Variants in MYO16 observed in about 807,000 individuals in gnomAD.
The protein encoded by MYO16 is myosin XVI, also known as unconventional myosin-XVI.
MYO16 carries 94 observed loss-of-function variants against 205.3 expected under a neutral mutation model. The ratio of observed to expected loss-of-function variants is 0.46; its 90% CI spans 0.39 to 0.54. The LOEUF (loss-of-function observed/expected upper bound fraction) is 0.54. MYO16 is among the 20% of genes least tolerant of loss of function. The pLI is 0.00. For missense variants in MYO16, 2,315 were observed against 2,387.5 expected (o/e 0.97, Z 0.63); for synonymous variants, 988 against 954.0 (o/e 1.04, Z -0.66).
Position 109,127,198 on chromosome 13 carries a change from C to T in MYO16, c.3783-84C>T, listed in dbSNP as rs768321937. The T allele has an allele frequency of 2.1e-6, 3 of 1,457,640 alleles. No individual in the cohort carries two copies. Among genetic ancestry groups the T allele is most frequent in the Non-Finnish European group, 2.7e-6 (3 of 1,099,584 alleles). 90.3% of individuals were successfully genotyped at this position (1,457,640 alleles called of 1,614,324 possible). On this transcript the variant is annotated intron_variant, in intron 30 of 34. Coordinates refer to ENST00000457511, the MANE Select transcript of MYO16 (RefSeq NM_001198950.3). The surrounding 1 kb of genome is among the most constrained non-coding windows in gnomAD (Gnocchi z 4.2). ...GCTTGCCAAAAAGCCGTCATTATGT[C>T]TGCTTGAGCAGGTTCCTTGTTACCG...
chr13:109,088,848 G>T (rs1386649664), intron 27 of MYO16, among the ~76,000 whole-genome samples: 2 of 152,176 alleles, frequency 1.3e-5, no homozygotes, highest in Non-Finnish European at 2.9e-5. Flanking sequence ...CAGCCCCGCC[G>T]AGGGCCTCAG....
chr13:108,525,321 C>T, the MYO16 span, among the ~76,000 whole-genome samples: 1 of 152,172 alleles, frequency 6.6e-6, no homozygotes, highest in South Asian at 2.1e-4. Context: ...GTTTGAAGTG[C>T]ACGTCAGGTG....
chr13:108,571,225 T>A, the MYO16 span, among the ~76,000 whole-genome samples: 1 of 151,846 alleles, frequency 6.6e-6, no homozygotes, highest in South Asian at 2.1e-4. Flanking sequence ...GGTTCACTGG[T>A]TAAGGATAAG....
chr13:108,651,230 T>C (rs1880989209), intron 1 of MYO16, among the ~76,000 whole-genome samples: 1 of 152,134 alleles, frequency 6.6e-6, no homozygotes, highest in South Asian at 2.1e-4. Context: ...TGGATATGAC[T>C]TTGGAGCTGT....
At chr13:109,072,848 C>G (rs968287191) in intron 27 of MYO16, among the ~76,000 whole-genome samples, 1 of 152,114 alleles carries the variant, frequency 6.6e-6, no homozygotes, top group Non-Finnish European at 1.5e-5. Context: ...GAATTTGAAG[C>G]ATTCCTCACT....
At chr13:108,627,287 T>C (rs1249133186), upstream of MYO16, among the ~76,000 whole-genome samples, 1 of 152,142 alleles carries the variant, frequency 6.6e-6, no homozygotes, top group Non-Finnish European at 1.5e-5. Flanking sequence ...CTTCTTAATC[T>C]GGGGAAATTA....
intron 32 of MYO16, among the ~76,000 whole-genome samples, chr13:109,152,756 G>A (rs1472094252): frequency 6.6e-6 from 1 of 152,152 alleles, no homozygotes; most frequent in Non-Finnish European, 1.5e-5. Flanking sequence ...CGGATATGTA[G>A]TTCTTCCTAG....
At chr13:108,802,126 A>C (rs1886985930) in intron 6 of MYO16, among the ~76,000 whole-genome samples, 1 of 152,172 alleles carries the variant, frequency 6.6e-6, no homozygotes, top group South Asian at 2.1e-4. Flanking sequence ...TGTTATTTTA[A>C]CATGTATAAT....
At chr13:108,989,231 A>T (rs1048397459) in intron 20 of MYO16, among the ~76,000 whole-genome samples, 1 of 152,172 alleles carries the variant, frequency 6.6e-6, no homozygotes, top group Non-Finnish European at 1.5e-5. Context: ...TACTTTAAGA[A>T]TACTAAAGGT....
intron 6 of MYO16, among the ~76,000 whole-genome samples, chr13:108,795,125 G>T (rs1430164073): frequency 1.3e-5 from 2 of 151,604 alleles, no homozygotes; most frequent in Non-Finnish European, 2.9e-5. Context: ...TATTCTGGAA[G>T]ATAAAATTTA....
intron 10 of MYO16, among the ~76,000 whole-genome samples, chr13:108,851,363 A>G (rs576365408): frequency 6.6e-6 from 1 of 152,302 alleles, no homozygotes; most frequent in Admixed American, 6.5e-5. Flanking sequence ...AAATGTTGCA[A>G]AGATATTAAA....
chr13:109,193,435 T>G (rs1880011331), intron 34 of MYO16, among the ~76,000 whole-genome samples: 1 of 152,194 alleles, frequency 6.6e-6, no homozygotes, highest in South Asian at 2.1e-4. Context: ...CCCTTTCCAA[T>G]TATAGCTGAT....
At chr13:109,023,909 A>G (rs1251147964) in intron 23 of MYO16, among the ~76,000 whole-genome samples, 7 of 139,216 alleles carry the variant, frequency 5.0e-5, no homozygotes, top group African/African-American at 1.3e-4. Flanking sequence ...CAATACATAT[A>G]TAAGTATAAA....
chr13:108,525,382 C>T, the MYO16 span, among the ~76,000 whole-genome samples: 1 of 152,116 alleles, frequency 6.6e-6, no homozygotes, highest in East Asian at 1.9e-4. Flanking sequence ...GATACCATTC[C>T]CTAAGCATTG....
chr13:109,006,244 T>G (rs1360001923), intron 21 of MYO16, among the ~76,000 whole-genome samples: 2 of 152,162 alleles, frequency 1.3e-5, no homozygotes, highest in East Asian at 3.9e-4. Context: ...CTTATTTATT[T>G]TATTTATTTA....
the MYO16 span, among the ~76,000 whole-genome samples, chr13:108,523,550 C>T: frequency 1.4e-3 from 219 of 152,276 alleles, no homozygotes; most frequent in African/African-American, 5.2e-3. Flanking sequence ...CACCACCTTC[C>T]CATCTTATTC....
intron 4 of MYO16, among the ~76,000 whole-genome samples, chr13:108,783,185 G>C (rs1370743773): frequency 6.6e-6 from 1 of 152,164 alleles, no homozygotes; most frequent in Non-Finnish European, 1.5e-5. Flanking sequence ...CAAAGCCACA[G>C]GGTGGAGCTG....
chr13:108,883,977 T>C (rs1335097114), intron 13 of MYO16, among the ~76,000 whole-genome samples: 1 of 152,130 alleles, frequency 6.6e-6, no homozygotes, highest in Non-Finnish European at 1.5e-5. Flanking sequence ...CACCAATTAA[T>C]AGAAAATTAA....
At chr13:108,909,473 C>T (rs547404079) in intron 15 of MYO16, among the ~76,000 whole-genome samples, 1 of 152,084 alleles carries the variant, frequency 6.6e-6, no homozygotes, top group South Asian at 2.1e-4. Flanking sequence ...TGTGTGAATT[C>T]AAATTGCATT....
Sources: allele counts gnomAD v4.1 joint callset (sites outside exome capture counted in the v4.1 genomes callset), GRCh38; gene constraint gnomAD v4.1.1; non-coding constraint Gnocchi (gnomAD v3.1); transcripts MANE v1.5; gene names NCBI Gene and HGNC (gene_info 2026-07-23, HGNC 2026-07-21).